Variants in TAOK2 observed in about 807,000 individuals in gnomAD.
TAOK2 encodes TAO kinase 2, also known as serine/threonine-protein kinase TAO2.
In TAOK2, 42 loss-of-function variants were observed where a neutral mutation model predicts 122.5. The ratio of observed to expected loss-of-function variants is 0.34; its 90% CI spans 0.27 to 0.44. TAOK2 has a LOEUF of 0.44. Among genes scored for constraint, TAOK2 ranks in the 20% least tolerant of loss-of-function variants. TAOK2 has a pLI of 1.00. For missense variants in TAOK2, 1,264 were observed against 1,644.9 expected, an observed-to-expected ratio of 0.77 and a Z score of 4.01; for synonymous variants, 704 against 677.6, an observed-to-expected ratio of 1.04 and a Z score of -0.61.
chr16:29,986,604 C>T lies in TAOK2; in HGVS notation c.2332C>T (p.Pro778Ser), dbSNP rs61737884. Residue 778 changes from proline to serine, a missense_variant, in exon 16 of 16, where the codon CCT (proline) becomes TCT (serine). By Grantham distance (74) the Pro-to-Ser change is moderately conservative. Transcript: ENST00000308893. This position sits in a 1 kb window ranked among gnomAD's most constrained non-coding sequence, Gnocchi z 4.2. Reference protein sequence around the residue: ...GTPIEQQPCSPGQEAVLDQRM... With the variant: ...GTPIEQQPCSSGQEAVLDQRM... ...CCCTATAGAACAGCAGCCCTGCTCA[C>T]CTGGCCAGGAGGCAGTCCTGGACCA... is the stretch of plus-strand genomic sequence containing the variant. The T allele has an allele frequency of 1.7e-3, 2,817 of 1,613,216 alleles. 44 individuals are homozygous for T. In the African/African-American group the frequency reaches 0.032, roughly 19 times the overall value.
chr16:29,976,988 T>C (rs1394380451), intron 1 of TAOK2, among the ~76,000 whole-genome samples: 3 of 152,238 alleles, frequency 2.0e-5, no homozygotes, highest in African/African-American at 7.2e-5. Context: ...CATAAGGTTG[T>C]AGTGAGGACT....
rs778824846 is a variant in TAOK2, at chr16:29,985,289, G to A, written c.1499G>A (p.Arg500Gln). 5 of 1,600,562 alleles carry A rather than the reference G, an allele frequency of 3.1e-6. No homozygotes were observed. The highest frequency in any genetic ancestry group is 2.2e-5 in the East Asian group (1 of 44,674). Reference protein sequence around the residue: ...EQLSGYKRMRRQHQKQLLALE... With the variant: ...EQLSGYKRMRQQHQKQLLALE... ...CTGAGCGGCTATAAGCGGATGCGAC[G>A]ACAGCACCAGAAGCAGCTGCTGGCC... The change falls in exon 14 of 16, where the codon CGA becomes CAA. Residue 500 changes from arginine to glutamine, a missense_variant. Coordinates refer to ENST00000308893, the MANE Select transcript of TAOK2 (RefSeq NM_016151.4). This position sits in a 1 kb window ranked among gnomAD's most constrained non-coding sequence, Gnocchi z 6.9.
chr16:29,975,906 A>G (rs1257309091), intron 1 of TAOK2, among the ~76,000 whole-genome samples: 2 of 152,222 alleles, frequency 1.3e-5, no homozygotes, highest in East Asian at 3.8e-4. Flanking sequence ...ACTGGAAGGA[A>G]CTTATTTAAA....
rs746405927 is a variant in TAOK2 at position 29,987,966 on chromosome 16, C to A, written c.3694C>A (p.Pro1232Thr). The A allele has an allele frequency of 1.2e-5, 18 of 1,538,146 alleles. No homozygotes were observed. Among genetic ancestry groups the A allele is most frequent in the Non-Finnish European group, 1.5e-5 (17 of 1,147,836 alleles). Reference sequence around the variant, plus strand: ...ACGCACCCGCCAGTCCCGGGCCCTGCCCCCCTGGAGGTAGCTGACTCCAGC... The same window carrying A: ...ACGCACCCGCCAGTCCCGGGCCCTGACCCCCTGGAGGTAGCTGACTCCAGC... ...RSRTRQSRAL[P>T]PWR The change falls in exon 16 of 16, where the codon CCC becomes ACC. Residue 1232 changes from proline to threonine, a missense_variant. By Grantham distance (38) the Pro-to-Thr change is conservative. This residue lies in a region of TAOK2 where 824 missense variants were observed against 908.7 expected (regional missense o/e 0.91). Transcript: ENST00000308893.
rs148182395 is a variant in TAOK2 at position 29,978,926 on chromosome 16, G to T, written c.353-48G>T. ...GAAGGGTTAAGGGGAGTTTATTCCA[G>T]TCCCACCCTTGCGCTCCCTCGGGTT... On this transcript the variant is annotated intron_variant, in intron 5 of 15. Transcript: ENST00000308893. 1.0e-4 allele frequency: 165 copies of T among 1,613,502 alleles called. 1 individual carries two copies. The African/African-American group carries it at 1.8e-3, about 18-fold the overall frequency.
intron 10 of TAOK2, among the ~76,000 whole-genome samples, chr16:29,982,345 C>G (rs1262176782): frequency 6.6e-6 from 1 of 152,122 alleles, no homozygotes. Context: ...CTTCACAGAC[C>G]CATGGGGGCC....
At chr16:29,983,750 T>C in intron 13 of TAOK2, 86 bp downstream of exon 13, 3 of 1,527,134 alleles carry the variant, frequency 2.0e-6, no homozygotes, top group South Asian at 2.4e-5. Context: ...CCCTGTGGCA[T>C]GGGATTGAGT....
At chr16:29,991,155 C>T, downstream of TAOK2, 2 of 1,611,186 alleles carry the variant, frequency 1.2e-6, no homozygotes, top group Non-Finnish European at 1.7e-6. This position sits in a 1 kb window ranked among gnomAD's most constrained non-coding sequence, Gnocchi z 5.6. Context: ...AAGCATGAGG[C>T]TGGGCTTCTC....
At chr16:29,983,381 C>T (rs767424655) in intron 12 of TAOK2, 49 bp downstream of exon 12, 21 of 1,563,734 alleles carry the variant, frequency 1.3e-5, no homozygotes, top group Non-Finnish European at 1.8e-5. Flanking sequence ...CTAGAACTGC[C>T]TGGGTCTTCG....
chr16:29,988,918 G>A (rs777347320), downstream of TAOK2: 1,044 of 985,282 alleles, frequency 1.1e-3, 1 homozygote, highest in Non-Finnish European at 1.2e-3. Context: ...TCTGGTCAGG[G>A]TGGTAGCTGC....
downstream of TAOK2, chr16:29,991,328 G>C (rs761057033): frequency 6.2e-7 from 1 of 1,605,890 alleles, no homozygotes; most frequent in Non-Finnish European, 8.5e-7. This position sits in a 1 kb window ranked among gnomAD's most constrained non-coding sequence, Gnocchi z 5.6. Flanking sequence ...GGCGTCAGCC[G>C]TCTCTGCTGG....
downstream of TAOK2, chr16:29,991,338 G>A: frequency 1.2e-6 from 2 of 1,600,730 alleles, no homozygotes; most frequent in Non-Finnish European, 8.5e-7. This position sits in a 1 kb window ranked among gnomAD's most constrained non-coding sequence, Gnocchi z 5.6. Flanking sequence ...GTCTCTGCTG[G>A]CTCCCCCAGG....
intron 13 of TAOK2, among the ~76,000 whole-genome samples, chr16:29,984,274 GC>G (rs1466004776): frequency 6.6e-6 from 1 of 152,226 alleles, no homozygotes; most frequent in Non-Finnish European, 1.5e-5. Context: ...GCTCAGAGGG[GC>G]CACTTGCCCC....
Position 29,981,704 on chromosome 16 carries a change from C to T in TAOK2, c.699C>T (p.Ala233=), listed in dbSNP as rs770282015. 4.3e-6 allele frequency: 7 copies of T among 1,614,006 alleles called. No individual in the cohort carries two copies. The highest frequency in any genetic ancestry group is 1.3e-5 in the African/African-American group (1 of 74,892). Residue 233 remains alanine, a synonymous_variant, in exon 9 of 16, where the codon GCC becomes GCT. Transcript: ENST00000308893. ...PPLFNMNAMS[A]LYHIAQNESP... ...TCTTTAACATGAATGCGATGAGTGCCTTATACCACATTGCACAGAACGAAT... is the reference window on the plus strand; with the variant it reads ...TCTTTAACATGAATGCGATGAGTGCTTTATACCACATTGCACAGAACGAAT...
chr16:29,989,601 G>C, downstream of TAOK2: 1 of 1,613,960 alleles, frequency 6.2e-7, no homozygotes, highest in Non-Finnish European at 8.5e-7. Flanking sequence ...AGTCTAAGGA[G>C]CTGCAGATCA....
rs2069877867 is a variant in TAOK2 at position 29,988,263 on chromosome 16, T to C, written c.*283T>C. Reference sequence around the variant, plus strand: ...ATTGACTCAGGCCTGGGGCCAGGGGTGGTGGAGGGTGGGAAGAGTCATGTT... The same window carrying C: ...ATTGACTCAGGCCTGGGGCCAGGGGCGGTGGAGGGTGGGAAGAGTCATGTT... On this transcript the variant is annotated 3_prime_UTR_variant, in exon 16 of 16. Transcript: ENST00000308893. The C allele has an allele frequency of 6.8e-7, 1 of 1,467,734 alleles. No homozygotes were observed. The allele number at this position is 1,467,734 out of a possible 1,614,324, so 90.9% of individuals were successfully genotyped here.
downstream of TAOK2, chr16:29,991,261 G>A (rs753035578): frequency 1.7e-5 from 28 of 1,611,888 alleles, no homozygotes; most frequent in South Asian, 2.2e-5. The surrounding 1 kb of genome is among the most constrained non-coding windows in gnomAD (Gnocchi z 5.6). Flanking sequence ...CCCGTTCCCC[G>A]TTCTGGGGCA....
intron 13 of TAOK2, chr16:29,984,981 C>T: frequency 2.4e-6 from 1 of 411,296 alleles, no homozygotes; most frequent in African/African-American, 2.0e-5. Context: ...ACTTTTGTGC[C>T]AGGCCCTGTG....
chr16:29,985,964 A>G lies in TAOK2; in HGVS notation c.1992+103A>G. ...TTGTCTTCTTTCTCCTTGGCCCTCG[A>G]GTGTTACAGTTCAGCTTTGCTTCAG... On this transcript the variant is annotated intron_variant, in intron 15 of 15. Transcript: ENST00000308893. This position sits in a 1 kb window ranked among gnomAD's most constrained non-coding sequence, Gnocchi z 6.9. 1 of 1,380,712 alleles carries G rather than the reference A, an allele frequency of 7.2e-7. No individual in the cohort carries two copies. Among genetic ancestry groups the G allele is most frequent in the Non-Finnish European group, 9.9e-7 (1 of 1,008,006 alleles). 85.5% of individuals were successfully genotyped at this position (1,380,712 alleles called of 1,614,324 possible).
Sources: gnomAD v4.1 joint callset for allele counts (sites outside exome capture counted in the v4.1 genomes callset) on GRCh38, gnomAD v4.1.1 for gene constraint, gnomAD v4.1.1 regional missense constraint, Gnocchi (gnomAD v3.1) non-coding constraint, MANE v1.5 for transcripts, NCBI Gene and HGNC (gene_info 2026-07-23, HGNC 2026-07-21) for gene names.